Variants in CRB1 observed in about 807,000 individuals in gnomAD.
The protein encoded by CRB1 is crumbs cell polarity complex component 1, also known as protein crumbs homolog 1.
A neutral mutation model predicts 120.0 loss-of-function variants in CRB1; 83 were observed. The observed-to-expected ratio is 0.69, with a 90% CI of 0.58 to 0.83. CRB1 has a LOEUF of 0.83. Ranked by LOEUF, CRB1 falls within the 40% of genes least tolerant of loss-of-function variation. The pLI is 0.00. For missense variants in CRB1, 1,699 were observed against 1,687.6 expected, an observed-to-expected ratio of 1.01 and a Z score of -0.12; for synonymous variants, 625 against 612.5, an observed-to-expected ratio of 1.02 and a Z score of -0.30.
At chr1:197,281,385 T>G (rs1049782706) in intron 1 of CRB1, among the ~76,000 whole-genome samples, 1 of 151,838 alleles carries the variant, frequency 6.6e-6, no homozygotes, top group Non-Finnish European at 1.5e-5. Context: ...GAGGATAATA[T>G]CTGTGCACCA....
At chr1:197,381,178 G>A (rs1377909755) in intron 5 of CRB1, among the ~76,000 whole-genome samples, 1 of 152,078 alleles carries the variant, frequency 6.6e-6, no homozygotes. Context: ...TATTAAATGG[G>A]TTCCTCATTC....
At chr1:197,369,912 G>A (rs1224050668) in intron 5 of CRB1, among the ~76,000 whole-genome samples, 2 of 152,024 alleles carry the variant, frequency 1.3e-5, no homozygotes, top group Admixed American at 6.6e-5. Context: ...CTTCTTGAAT[G>A]GTGGTTGTCT....
At chr1:197,453,911 ATATTATTG>A (rs1288037084) in intron 11 of CRB1, among the ~76,000 whole-genome samples, 16 of 35,826 alleles carry the variant, frequency 4.5e-4, no homozygotes, top group African/African-American at 1.5e-3. Flanking sequence ...TTATTAATAT[ATATTATTG>A]ATATTATTAT....
chr1:197,453,524 G>GTGTATA (rs1371859682), intron 11 of CRB1, among the ~76,000 whole-genome samples: 3 of 123,782 alleles, frequency 2.4e-5, no homozygotes, highest in African/African-American at 5.9e-5. Context: ...GTGTGTGTGT[G>GTGTATA]TATATATATA....
chr1:197,367,580 T>G (rs909986406), intron 5 of CRB1, among the ~76,000 whole-genome samples: 1 of 152,226 alleles, frequency 6.6e-6, no homozygotes, highest in Non-Finnish European at 1.5e-5. Flanking sequence ...TGGAAACAAT[T>G]GATATGTCTT....
chr1:197,359,741 T>C (rs1371782625), intron 5 of CRB1, among the ~76,000 whole-genome samples: 1 of 152,238 alleles, frequency 6.6e-6, no homozygotes, highest in Non-Finnish European at 1.5e-5. Context: ...CCAATTTCTT[T>C]GCATTCTCAC....
At chr1:197,410,525 C>T (rs935134117) in intron 5 of CRB1, among the ~76,000 whole-genome samples, 1 of 152,180 alleles carries the variant, frequency 6.6e-6, no homozygotes, top group African/African-American at 2.4e-5. Flanking sequence ...TGATAAGCAC[C>T]TATGACCTGG....
chr1:197,315,986 G>A (rs1157011273), intron 1 of CRB1, among the ~76,000 whole-genome samples: 2 of 152,128 alleles, frequency 1.3e-5, no homozygotes, highest in Non-Finnish European at 2.9e-5. Flanking sequence ...TATTTTTGAA[G>A]ATTAGCCTTT....
chr1:197,250,532 A>G, the CRB1 span, among the ~76,000 whole-genome samples: 1 of 151,900 alleles, frequency 6.6e-6, no homozygotes, highest in Non-Finnish European at 1.5e-5. Flanking sequence ...ATTACATTAC[A>G]TTACATTATA....
At chr1:197,294,178 A>T (rs1355210829) in intron 1 of CRB1, among the ~76,000 whole-genome samples, 2 of 152,208 alleles carry the variant, frequency 1.3e-5, no homozygotes, top group African/African-American at 4.8e-5. Context: ...ACAAAGGGCT[A>T]ATTTCCAGAA....
intron 5 of CRB1, among the ~76,000 whole-genome samples, chr1:197,359,086 A>G (rs1450947870): frequency 6.6e-6 from 1 of 152,208 alleles, no homozygotes. Flanking sequence ...TAAGAAATAC[A>G]GGGAGGCCCA....
intron 1 of CRB1, among the ~76,000 whole-genome samples, chr1:197,299,114 T>C (rs1300255593): frequency 1.3e-5 from 2 of 151,960 alleles, no homozygotes; most frequent in Non-Finnish European, 2.9e-5. Flanking sequence ...AACAAGATAA[T>C]GATGATCTTA....
At chr1:197,466,427 A>G (rs1666752149) in intron 11 of CRB1, among the ~76,000 whole-genome samples, 1 of 152,210 alleles carries the variant, frequency 6.6e-6, no homozygotes, top group Non-Finnish European at 1.5e-5. Flanking sequence ...TTGCTGAATT[A>G]CTGAGAGACT....
chr1:197,271,858 T>C (rs2125200340), intron 1 of CRB1, among the ~76,000 whole-genome samples: 1 of 152,242 alleles, frequency 6.6e-6, no homozygotes, highest in Admixed American at 6.5e-5. Flanking sequence ...TCAATGTAAA[T>C]GCCACATCGA....
intron 1 of CRB1, among the ~76,000 whole-genome samples, chr1:197,291,594 G>C (rs1419995191): frequency 1.3e-5 from 2 of 151,758 alleles, no homozygotes; most frequent in African/African-American, 2.4e-5. Context: ...TCTTTCTACA[G>C]TAAAAGCAAA....
the CRB1 span, among the ~76,000 whole-genome samples, chr1:197,239,900 T>A: frequency 6.7e-6 from 1 of 149,092 alleles, no homozygotes; most frequent in African/African-American, 2.4e-5. Flanking sequence ...ATAATTATAA[T>A]TTATAATTAT....
At chr1:197,272,138 G>A (rs920994183) in intron 1 of CRB1, among the ~76,000 whole-genome samples, 4 of 152,194 alleles carry the variant, frequency 2.6e-5, no homozygotes, top group African/African-American at 9.6e-5. Flanking sequence ...TGTCAGAGAA[G>A]GCTGATGTTA....
chr1:197,419,428 T>A (rs74503752), intron 5 of CRB1, among the ~76,000 whole-genome samples: 38,515 of 151,250 alleles, frequency 0.25, 5,352 homozygotes, highest in Middle Eastern at 0.39. Flanking sequence ...AGTGGCATGA[T>A]CTTGGCTCAC....
At chr1:197,277,147 T>C (rs1655255496) in intron 1 of CRB1, among the ~76,000 whole-genome samples, 2 of 152,102 alleles carry the variant, frequency 1.3e-5, no homozygotes, top group East Asian at 1.9e-4. Context: ...GTTTTCATTC[T>C]ACCTTTAAAA....
Sources: allele counts gnomAD v4.1 joint callset (sites outside exome capture counted in the v4.1 genomes callset), GRCh38; gene constraint gnomAD v4.1.1; transcripts MANE v1.5; gene names NCBI Gene and HGNC (gene_info 2026-07-23, HGNC 2026-07-21).